Variants in GCLC observed in about 807,000 individuals in gnomAD.
The protein encoded by GCLC is glutamate--cysteine ligase catalytic subunit.
In GCLC, 30 loss-of-function variants were observed where a neutral mutation model predicts 81.5. The ratio of observed to expected loss-of-function variants is 0.37; its 90% CI spans 0.28 to 0.50. The LOEUF is 0.50. Among genes scored for constraint, GCLC ranks in the 20% least tolerant of loss-of-function variants. GCLC has a pLI of 0.96. For synonymous variants in GCLC, 262 were observed against 273.3 expected, an observed-to-expected ratio of 0.96 and a Z score of 0.41; for missense variants, 556 against 777.4, an observed-to-expected ratio of 0.72 and a Z score of 3.39.
chr6:53,517,225 T>C (rs563382221), intron 3 of GCLC, among the ~76,000 whole-genome samples: 2 of 146,640 alleles, frequency 1.4e-5, no homozygotes, highest in South Asian at 4.4e-4. Context: ...TAGCTGGGAT[T>C]ACAGGCATGA....
chr6:53,509,077 T>TGGA (rs1260639319), intron 7 of GCLC, 99 bp downstream of exon 7: 1 of 766,656 alleles, frequency 1.3e-6, no homozygotes, highest in Non-Finnish European at 2.3e-6. Context: ...CTGACTGAGG[T>TGGA]CTTAACTGGA....
At position 53,522,487 on chromosome 6, in the gene GCLC, T is replaced by C. The variant is rs1763015903; in HGVS notation, c.191A>G (p.Lys64Arg). Residue 64 changes from lysine to arginine, a missense_variant, in exon 2 of 16, where the codon AAA becomes AGA. This residue lies in a region of GCLC where 234 missense variants were observed against 303.8 expected (regional missense o/e 0.77). Transcript: ENST00000650454. ...MLVSFDHENKKVRLVLSGEKV... is the reference protein window; with the variant it reads ...MLVSFDHENKRVRLVLSGEKV... The stretch of plus-strand genomic sequence containing the variant: ...CTCCCCAGACAGGACCAACCGGACT[T>C]TTTTATTTTCATGATCAAAAGATAC... 8 of 1,612,510 alleles carry C rather than the reference T, an allele frequency of 5.0e-6. No homozygotes were observed. Among genetic ancestry groups the C allele is most frequent in the Non-Finnish European group, 6.8e-6 (8 of 1,178,586 alleles).
chr6:53,537,811 A>C (rs913734999), intron 1 of GCLC, among the ~76,000 whole-genome samples: 2 of 152,084 alleles, frequency 1.3e-5, no homozygotes, highest in Admixed American at 6.5e-5. Flanking sequence ...TAAATAAGAT[A>C]TACTGGATGT....
rs17881410 is a variant in GCLC at position 53,508,478 on chromosome 6, C to G, written c.945+117G>C. 2.6e-3 allele frequency: 2,001 copies of G among 775,302 alleles called. 22 individuals are homozygous for G. The highest frequency in any genetic ancestry group is 0.025 in the African/African-American group (1,481 of 59,078). 48.0% of individuals were successfully genotyped at this position (775,302 alleles called of 1,614,324 possible). ...AATTAACTCCCCACCTAGACCAAAT[C>G]TTTTTCCCCATTTCAGATAAAAATT... On this transcript the variant is annotated intron_variant, in intron 8 of 15. Transcript: ENST00000650454.
intron 1 of GCLC, among the ~76,000 whole-genome samples, chr6:53,533,234 A>G (rs1423807622): frequency 1.3e-5 from 2 of 152,242 alleles, no homozygotes; most frequent in Admixed American, 1.3e-4. Context: ...CTCCTTCTAA[A>G]AACTATCATC....
At chr6:53,503,601 TC>T (rs556238097) in intron 12 of GCLC, among the ~76,000 whole-genome samples, 6 of 152,168 alleles carry the variant, frequency 3.9e-5, no homozygotes, top group Non-Finnish European at 5.9e-5. Context: ...CAGTTGATTT[TC>T]CCCCCTTTTC....
intron 3 of GCLC, among the ~76,000 whole-genome samples, chr6:53,518,434 A>G (rs1762925703): frequency 6.6e-6 from 1 of 152,006 alleles, no homozygotes; most frequent in Admixed American, 6.6e-5. Flanking sequence ...TATTTTTTGT[A>G]AAGACGGGGT....
At chr6:53,508,782 G>A (rs1764673272) in intron 7 of GCLC, 71 bp from the exon 8 acceptor site, 2 of 1,014,304 alleles carry the variant, frequency 2.0e-6, no homozygotes, top group Non-Finnish European at 3.1e-6. Context: ...GCTCCATGCA[G>A]TTATATTTCT....
chr6:53,526,364 T>C (rs1446116469), intron 1 of GCLC, among the ~76,000 whole-genome samples: 1 of 152,192 alleles, frequency 6.6e-6, no homozygotes, highest in Middle Eastern at 3.2e-3. Context: ...GACAATGAAG[T>C]TTAAGGGTAA....
At chr6:53,520,684 G>C in intron 3 of GCLC, 94 bp downstream of exon 3, 3 of 974,918 alleles carry the variant, frequency 3.1e-6, no homozygotes, top group South Asian at 2.6e-5. Context: ...TAACGTATGA[G>C]GATTGTAAGG....
intron 1 of GCLC, among the ~76,000 whole-genome samples, chr6:53,527,758 T>A (rs1160121045): frequency 6.6e-6 from 1 of 152,200 alleles, no homozygotes; most frequent in African/African-American, 2.4e-5. Context: ...CCATTTAAAT[T>A]TAAGTTGATT....
At chr6:53,499,108 G>A in intron 15 of GCLC, 141 bp from the exon 16 acceptor site, 4 of 674,050 alleles carry the variant, frequency 5.9e-6, no homozygotes, top group East Asian at 2.7e-5. Context: ...GGCAGGGGGT[G>A]GGAACATCTT....
At chr6:53,517,609 T>G (rs2127623994) in intron 3 of GCLC, among the ~76,000 whole-genome samples, 1 of 152,242 alleles carries the variant, frequency 6.6e-6, no homozygotes, top group South Asian at 2.1e-4. Flanking sequence ...GTAATAAACT[T>G]AAATCTGAGG....
chr6:53,507,054 C>T, intron 9 of GCLC, 29 bp from the exon 10 acceptor site: 7 of 1,229,982 alleles, frequency 5.7e-6, no homozygotes, highest in Non-Finnish European at 8.4e-6. Flanking sequence ...TGGGAACTCA[C>T]TGCAAAGCGA....
chr6:53,505,938 C>T, intron 10 of GCLC, 43 bp from the exon 11 acceptor site: 1 of 1,070,306 alleles, frequency 9.3e-7, no homozygotes, highest in Non-Finnish European at 1.5e-6. Flanking sequence ...TTTCACACAT[C>T]CAGGAAAATA....
chr6:53,515,568 T>A (rs915029524), intron 4 of GCLC, among the ~76,000 whole-genome samples: 2 of 152,224 alleles, frequency 1.3e-5, no homozygotes, highest in Non-Finnish European at 2.9e-5. Flanking sequence ...CAGATGAGCA[T>A]GCATTGTACA....
At chr6:53,505,358 C>CTATCTGTAGATA in intron 12 of GCLC, 34 bp downstream of exon 12, 2 of 859,042 alleles carry the variant, frequency 2.3e-6, no homozygotes, top group Non-Finnish European at 4.0e-6. Context: ...ACAGATAGAT[C>CTATCTGTAGATA]TATACCCATC....
At position 53,506,945 on chromosome 6, in the gene GCLC, G is replaced by A; in HGVS notation, c.1165C>T (p.Leu389=). 1 of 1,598,544 alleles carries A rather than the reference G, an allele frequency of 6.3e-7. No individual in the cohort carries two copies. The change falls in exon 10 of 16, where the codon CTG becomes TTG. Residue 389 remains leucine (L), a synonymous_variant. Transcript: ENST00000650454. This position sits in a 1 kb window ranked among gnomAD's most constrained non-coding sequence, Gnocchi z 4.0. ...TGGTCAGACTCATTAGCATCATCCAGGTGTATTTTCTCTTCAAACAGTGTC... is the reference window on the plus strand; with the variant it reads ...TGGTCAGACTCATTAGCATCATCCAAGTGTATTTTCTCTTCAAACAGTGTC... The part of the protein sequence containing the change: ...PLTLFEEKIH[L]DDANESDHFE...
Position 53,522,543 on chromosome 6 carries a change from G to T in GCLC, c.151-16C>A. 6.7e-7 allele frequency: 1 copy of T among 1,496,382 alleles called. No homozygotes were observed. Among genetic ancestry groups the T allele is most frequent in the Non-Finnish European group, 9.3e-7 (1 of 1,073,816 alleles). The allele number at this position is 1,496,382 out of a possible 1,614,324, so 92.7% of individuals were successfully genotyped here. ...TGTATTCCACCTATTGAAAATAAAG[G>T]TGAGAAAAATTAACATTCTTCCAGA... On this transcript the variant is annotated splice_polypyrimidine_tract_variant and intron_variant, in intron 1 of 15. Transcript: ENST00000650454.
Sources: allele counts gnomAD v4.1 joint callset (sites outside exome capture counted in the v4.1 genomes callset), GRCh38; gene constraint gnomAD v4.1.1; regional missense constraint gnomAD v4.1.1; non-coding constraint Gnocchi (gnomAD v3.1); transcripts MANE v1.5; gene names NCBI Gene and HGNC (gene_info 2026-07-23, HGNC 2026-07-21).